Variants in CNTNAP5 observed in about 807,000 individuals in gnomAD.
CNTNAP5 encodes the protein contactin associated protein family member 5.
A neutral mutation model predicts 150.2 loss-of-function variants in CNTNAP5; 72 were observed. That is an observed-to-expected ratio of 0.48 (90% confidence interval 0.40 to 0.58). The LOEUF (loss-of-function observed/expected upper bound fraction) is 0.58, where lower values mean the gene tolerates loss of function less well. CNTNAP5 is among the 20% of genes least tolerant of loss of function. The pLI, the probability that CNTNAP5 is intolerant of heterozygous loss-of-function variation, is 0.00. For missense variants in CNTNAP5, 1,636 were observed against 1,626.2 expected, an observed-to-expected ratio of 1.01 and a Z score of -0.10; for synonymous variants, 672 against 619.8, an observed-to-expected ratio of 1.08 and a Z score of -1.25.
chr2:124,453,928 C>G (rs1055672818), intron 6 of CNTNAP5, among the ~76,000 whole-genome samples: 5 of 151,974 alleles, frequency 3.3e-5, no homozygotes, highest in Non-Finnish European at 4.4e-5. Flanking sequence ...AAAAAAAGAG[C>G]CTCTTTAAAG....
intron 1 of CNTNAP5, among the ~76,000 whole-genome samples, chr2:124,179,566 A>G (rs992514277): frequency 1.3e-5 from 2 of 152,174 alleles, no homozygotes; most frequent in Admixed American, 1.3e-4. Flanking sequence ...CAAAACAACA[A>G]AGTTAGAGCT....
At chr2:124,280,880 T>C (rs908319688) in intron 3 of CNTNAP5, among the ~76,000 whole-genome samples, 4 of 152,198 alleles carry the variant, frequency 2.6e-5, no homozygotes, top group South Asian at 2.1e-4. Context: ...ATTTCTGTTA[T>C]TGTACCTTGC....
intron 6 of CNTNAP5, among the ~76,000 whole-genome samples, 200 bp downstream of exon 6, chr2:124,447,137 C>T (rs1055106507): frequency 7.2e-5 from 11 of 152,016 alleles, no homozygotes; most frequent in Non-Finnish European, 1.5e-4. Flanking sequence ...GAGTGATGGG[C>T]TAAACCACAA....
chr2:124,545,971 C>T (rs1695502739), intron 10 of CNTNAP5, among the ~76,000 whole-genome samples: 1 of 152,014 alleles, frequency 6.6e-6, no homozygotes, highest in South Asian at 2.1e-4. Flanking sequence ...CTCAGCCCTA[C>T]CAACTGATAG....
intron 3 of CNTNAP5, among the ~76,000 whole-genome samples, chr2:124,340,909 C>CAT (rs1396297795): frequency 2.1e-5 from 3 of 143,708 alleles, no homozygotes; most frequent in African/African-American, 7.4e-5. Flanking sequence ...TAGACACACA[C>CAT]ACATATATAT....
At chr2:124,335,466 A>T (rs1259109076) in intron 3 of CNTNAP5, among the ~76,000 whole-genome samples, 2 of 151,704 alleles carry the variant, frequency 1.3e-5, no homozygotes, top group Non-Finnish European at 2.9e-5. Flanking sequence ...AGGATATAAG[A>T]TGAAAAGAGA....
chr2:124,587,375 T>C (rs1696560953), intron 11 of CNTNAP5, among the ~76,000 whole-genome samples: 1 of 152,182 alleles, frequency 6.6e-6, no homozygotes, highest in Admixed American at 6.5e-5. Context: ...TTGAATCAAC[T>C]TGTAAACAAT....
chr2:124,610,154 G>T (rs892540869), intron 12 of CNTNAP5, among the ~76,000 whole-genome samples: 26 of 152,192 alleles, frequency 1.7e-4, no homozygotes, highest in African/African-American at 6.3e-4. Flanking sequence ...ACTGAAGCAA[G>T]AATTAATTAT....
At chr2:124,765,324 C>T (rs1216911816) in intron 16 of CNTNAP5, among the ~76,000 whole-genome samples, 1 of 151,996 alleles carries the variant, frequency 6.6e-6, no homozygotes, top group Non-Finnish European at 1.5e-5. Flanking sequence ...TTTGAAGTTG[C>T]TTGGGTTCTA....
intron 20 of CNTNAP5, among the ~76,000 whole-genome samples, chr2:124,868,056 C>T (rs1208953501): frequency 6.6e-6 from 1 of 152,162 alleles, no homozygotes; most frequent in Non-Finnish European, 1.5e-5. Context: ...TCAACAGCAT[C>T]TACCTTTCCC....
At chr2:124,562,022 A>G (rs1313771077) in intron 10 of CNTNAP5, among the ~76,000 whole-genome samples, 1 of 152,160 alleles carries the variant, frequency 6.6e-6, no homozygotes, top group African/African-American at 2.4e-5. Flanking sequence ...CATTCACTGC[A>G]TTTACTGAGC....
At chr2:124,594,486 AT>A (rs1696774666) in intron 11 of CNTNAP5, among the ~76,000 whole-genome samples, 1 of 151,772 alleles carries the variant, frequency 6.6e-6, no homozygotes, top group Non-Finnish European at 1.5e-5. Context: ...GTTCTGTTCC[AT>A]TGATCTATAT....
chr2:124,909,071 G>A (rs1359960345), intron 22 of CNTNAP5, among the ~76,000 whole-genome samples: 4 of 152,086 alleles, frequency 2.6e-5, no homozygotes, highest in Non-Finnish European at 5.9e-5. Flanking sequence ...ATGTAGTGTA[G>A]CCTAAGAGTA....
At position 124,911,572 on chromosome 2, in the gene CNTNAP5, C is replaced by CAT; in HGVS notation, c.3727+36_3727+37dup. ...TTCATTGTTGTTGAATGCAAAAAGA[C>CAT]ATAAACGATCCTGTATTCTGGAGAA... is the stretch of plus-strand genomic sequence containing the variant. On this transcript the variant is annotated intron_variant, in intron 23 of 23. Transcript: ENST00000682447. 2.7e-6 allele frequency: 4 copies of CAT among 1,493,436 alleles called. No individual in the cohort carries two copies. The Middle Eastern group carries it at 5.1e-4, about 191-fold the overall frequency. The allele number at this position is 1,493,436 out of a possible 1,614,324, so 92.5% of individuals were successfully genotyped here.
intron 1 of CNTNAP5, among the ~76,000 whole-genome samples, chr2:124,031,244 A>G (rs568480821): frequency 6.6e-6 from 1 of 152,056 alleles, no homozygotes; most frequent in Non-Finnish European, 1.5e-5. Flanking sequence ...CTCCTCAACT[A>G]GGATGCAAAG....
intron 10 of CNTNAP5, among the ~76,000 whole-genome samples, chr2:124,546,483 C>G (rs187383269): frequency 6.6e-6 from 1 of 152,160 alleles, no homozygotes; most frequent in Admixed American, 6.6e-5. Context: ...GCCCTTGTTT[C>G]CACAAAACTA....
At chr2:124,827,051 G>A (rs1014823121) in intron 19 of CNTNAP5, among the ~76,000 whole-genome samples, 6 of 152,018 alleles carry the variant, frequency 3.9e-5, no homozygotes, top group Admixed American at 2.6e-4. Flanking sequence ...CTCTTGAGTC[G>A]CTAGGGCCAC....
chr2:124,695,761 C>T (rs1283471413), intron 13 of CNTNAP5, among the ~76,000 whole-genome samples: 3 of 152,140 alleles, frequency 2.0e-5, no homozygotes, highest in Admixed American at 1.3e-4. Flanking sequence ...ATACCGATGT[C>T]CCCATTGCCC....
intron 3 of CNTNAP5, among the ~76,000 whole-genome samples, chr2:124,408,940 G>C (rs1180752134): frequency 6.6e-6 from 1 of 151,790 alleles, no homozygotes; most frequent in Non-Finnish European, 1.5e-5. Context: ...ATTACTCTGA[G>C]CTATGGGAGG....
Sources: allele counts gnomAD v4.1 joint callset (sites outside exome capture counted in the v4.1 genomes callset), GRCh38; gene constraint gnomAD v4.1.1; transcripts MANE v1.5; gene names NCBI Gene and HGNC (gene_info 2026-07-23, HGNC 2026-07-21).